The following STAB2 variants were observed in gnomAD, a reference collection of about 807,000 sequenced individuals.
STAB2 encodes stabilin-2.
Under a neutral mutation model 338.1 loss-of-function variants are expected in STAB2, and 288 were observed. The observed-to-expected ratio is 0.85, with a 90% CI of 0.77 to 0.94. STAB2 has a LOEUF of 0.94. Among genes scored for constraint, STAB2 ranks in the 40% least tolerant of loss-of-function variants. The probability of loss-of-function intolerance (pLI) is 0.00; values close to 1 mark genes in which losing one functional copy is unlikely to be tolerated. For synonymous variants in STAB2, 1,202 were observed against 1,193.3 expected (o/e 1.01, Z -0.15); for missense variants, 3,141 against 3,210.1 (o/e 0.98, Z 0.52).
chr12:103,648,988 A>G (rs1478163509), intron 10 of STAB2, among the ~76,000 whole-genome samples, 165 bp downstream of exon 10: 1 of 152,186 alleles, frequency 6.6e-6, no homozygotes, highest in Non-Finnish European at 1.5e-5. Flanking sequence ...GCTGTTTCAA[A>G]GAAGACAAGC....
chr12:103,641,792 T>G (rs544415860), intron 9 of STAB2, among the ~76,000 whole-genome samples: 33 of 152,316 alleles, frequency 2.2e-4, no homozygotes, highest in Admixed American at 1.8e-3. Flanking sequence ...ATGTTAGGGG[T>G]ACATGTATCA....
chr12:103,589,350 C>T (rs1327781813), intron 1 of STAB2, among the ~76,000 whole-genome samples: 1 of 152,140 alleles, frequency 6.6e-6, no homozygotes, highest in Non-Finnish European at 1.5e-5. Flanking sequence ...GTCCTATGGC[C>T]TAGAGCAAAC....
intron 3 of STAB2, among the ~76,000 whole-genome samples, chr12:103,601,329 C>T (rs544646792): frequency 2.6e-5 from 4 of 152,018 alleles, no homozygotes; most frequent in East Asian, 3.9e-4. Flanking sequence ...AGGTGGCTTG[C>T]GCCAGTAATC....
rs756351959 is a variant in STAB2, at chr12:103,715,859, G to A, written c.4582G>A (p.Ala1528Thr). 1.9e-6 allele frequency: 3 copies of A among 1,614,116 alleles called. No individual in the cohort carries two copies. The highest frequency in any genetic ancestry group is 2.5e-6 in the Non-Finnish European group (3 of 1,179,982). ...GAACCATGGTGGCTGTGACAAGAAT[G>A]CGGAGTGCACACAGACAGGACCCAA... ...LENHGGCDKN[A>T]ECTQTGPNQA... The change falls in exon 43 of 69, where the codon GCG becomes ACG. Residue 1528 changes from alanine to threonine, a missense_variant. Coordinates refer to ENST00000388887, the MANE Select transcript of STAB2 (RefSeq NM_017564.10).
intron 39 of STAB2, 78 bp from the exon 40 acceptor site, chr12:103,711,390 CTTT>C: frequency 4.4e-6 from 7 of 1,587,120 alleles, no homozygotes; most frequent in Non-Finnish European, 6.0e-6. Context: ...AAAGAAGTAG[CTTT>C]TCTGAGCACA....
Position 103,705,170 on chromosome 12 carries a change from A to G in STAB2, c.3901-462A>G, listed in dbSNP as rs139429791. 9.5e-4 allele frequency: 149 copies of G among 157,424 alleles called. 3 individuals carry two copies. The East Asian group carries it at 0.022, about 23-fold the overall frequency. 9.8% of individuals were successfully genotyped at this position (157,424 alleles called of 1,614,324 possible). On this transcript the variant is annotated intron_variant, in intron 36 of 68. Transcript: ENST00000388887. ...TATGATAATTTTTAATTTATGATAAATTTTAATCTATAACAACCATACAGA... is the reference window on the plus strand; with the variant it reads ...TATGATAATTTTTAATTTATGATAAGTTTTAATCTATAACAACCATACAGA...
intron 54 of STAB2, among the ~76,000 whole-genome samples, chr12:103,740,055 T>A (rs1882461488): frequency 6.6e-6 from 1 of 152,212 alleles, no homozygotes; most frequent in Admixed American, 6.5e-5. Context: ...CTATCAGGTT[T>A]GCCTCTGTAA....
At chr12:103,670,553 C>T (rs573247598) in intron 21 of STAB2, 143 bp from the exon 22 acceptor site, 22 of 666,886 alleles carry the variant, frequency 3.3e-5, no homozygotes, top group African/African-American at 3.1e-4. Flanking sequence ...TCCCTGATAT[C>T]ACATGACTCC....
At chr12:103,755,847 C>A in intron 63 of STAB2, 129 bp downstream of exon 63, 1 of 822,126 alleles carries the variant, frequency 1.2e-6, no homozygotes, top group Non-Finnish European at 1.9e-6. Flanking sequence ...ACCACCTTGC[C>A]TGAATCTAAA....
chr12:103,708,164 C>G (rs1879534509), intron 38 of STAB2, among the ~76,000 whole-genome samples: 1 of 152,204 alleles, frequency 6.6e-6, no homozygotes, highest in South Asian at 2.1e-4. Flanking sequence ...ACTGAGGACA[C>G]TCTCACACTG....
At chr12:103,706,746 A>AC in intron 37 of STAB2, 46 bp from the exon 38 acceptor site, 1 of 1,610,628 alleles carries the variant, frequency 6.2e-7, no homozygotes. Flanking sequence ...GCTGGACAAC[A>AC]CCAGAGGATA....
At chr12:103,622,005 C>A (rs761254435) in intron 4 of STAB2, 37 bp from the exon 5 acceptor site, 2 of 1,611,000 alleles carry the variant, frequency 1.2e-6, no homozygotes, top group East Asian at 4.5e-5. Flanking sequence ...CATGGGTCAC[C>A]TTGGGTCTAA....
At chr12:103,612,497 A>C (rs904071035) in intron 3 of STAB2, among the ~76,000 whole-genome samples, 3 of 152,200 alleles carry the variant, frequency 2.0e-5, no homozygotes, top group Admixed American at 2.0e-4. Context: ...AAGCTTGTGC[A>C]TGCATCACGT....
intron 9 of STAB2, among the ~76,000 whole-genome samples, chr12:103,642,674 C>T (rs1160256647): frequency 6.6e-6 from 1 of 152,200 alleles, no homozygotes. Flanking sequence ...ATGTTAGAAG[C>T]TCCCATTCTG....
At chr12:103,675,231 T>C (rs1030009636) in intron 23 of STAB2, among the ~76,000 whole-genome samples, 1 of 152,046 alleles carries the variant, frequency 6.6e-6, no homozygotes, top group East Asian at 1.9e-4. Flanking sequence ...CAAATATTGG[T>C]TGAATAGATG....
chr12:103,694,766 C>A (rs992451175), intron 31 of STAB2, among the ~76,000 whole-genome samples: 1 of 152,064 alleles, frequency 6.6e-6, no homozygotes. Flanking sequence ...GTGTTGAATT[C>A]TTCAATCTGA....
At chr12:103,679,055 A>G (rs998515964) in intron 25 of STAB2, among the ~76,000 whole-genome samples, 1 of 152,058 alleles carries the variant, frequency 6.6e-6, no homozygotes, top group Non-Finnish European at 1.5e-5. Context: ...AACTCTTTCC[A>G]AAGAGACCCC....
intron 18 of STAB2, among the ~76,000 whole-genome samples, chr12:103,665,982 A>C (rs1260845523): frequency 6.6e-6 from 1 of 152,226 alleles, no homozygotes; most frequent in Non-Finnish European, 1.5e-5. Context: ...GCCTCCCTGC[A>C]TGCAGAGAAT....
chr12:103,711,316 A>C, intron 39 of STAB2, 155 bp from the exon 40 acceptor site: 1 of 925,710 alleles, frequency 1.1e-6, no homozygotes, highest in Non-Finnish European at 1.6e-6. Context: ...CATGGCAGCC[A>C]GTATAAAAAA....
Sources: gnomAD v4.1 joint callset for allele counts (sites outside exome capture counted in the v4.1 genomes callset) on GRCh38, gnomAD v4.1.1 for gene constraint, MANE v1.5 for transcripts, NCBI Gene and HGNC (gene_info 2026-07-23, HGNC 2026-07-21) for gene names.